CELF2: variants seen among roughly 807,000 people sequenced by gnomAD.
CELF2 encodes the protein CUG triplet repeat RNA-binding protein 2.
In CELF2, 8 loss-of-function variants were observed where a neutral mutation model predicts 62.6. The ratio of observed to expected loss-of-function variants is 0.13; its 90% confidence interval spans 0.07 to 0.23. CELF2 has a LOEUF of 0.23. Among genes scored for constraint, CELF2 ranks in the 10% least tolerant of loss-of-function variants. The probability of loss-of-function intolerance (pLI) is 1.00; values close to 1 mark genes in which losing one functional copy is unlikely to be tolerated. For synonymous variants in CELF2, 258 were observed against 250.0 expected (o/e 1.03, Z -0.30); for missense variants, 333 against 671.0 (o/e 0.50, Z 5.56).
chr10:11,249,093 T>G (rs1263538455), intron 3 of CELF2, 60 bp from the exon 4 acceptor site: 1 of 1,348,964 alleles, frequency 7.4e-7, no homozygotes, highest in South Asian at 1.2e-5. Context: ...GCTGCAGATT[T>G]CTGAGATGAT....
the CELF2 span, among the ~76,000 whole-genome samples, chr10:10,532,052 T>G: frequency 6.6e-6 from 1 of 152,252 alleles, no homozygotes; most frequent in Non-Finnish European, 1.5e-5. Flanking sequence ...CACAGAATTT[T>G]AAGCCTCAAG....
chr10:10,869,558 T>A (rs983976713), intron 1 of CELF2, among the ~76,000 whole-genome samples: 1 of 115,492 alleles, frequency 8.7e-6, no homozygotes, highest in Non-Finnish European at 1.7e-5. Context: ...GAGTGAGACT[T>A]CATCTGGGGG....
rs1483701112 is a variant in CELF2, at chr10:11,333,525, T to A, written c.*4472T>A. 1 of 152,392 alleles carries A rather than the reference T, an allele frequency of 6.6e-6. No individual in the cohort carries two copies. Among genetic ancestry groups the A allele is most frequent in the East Asian group, 1.9e-4 (1 of 5,202 alleles). 9.4% of individuals were successfully genotyped at this position (152,392 alleles called of 1,614,324 possible). ...GAATCATTTTACTGTTTGTTTTTAT[T>A]ATCTTAAGTGCTAATTAAAAAAAAA... On this transcript the variant is annotated 3_prime_UTR_variant, in exon 13 of 13. Transcript: ENST00000633077.
At chr10:11,288,146 C>T (rs543938736) in intron 8 of CELF2, among the ~76,000 whole-genome samples, 4 of 152,236 alleles carry the variant, frequency 2.6e-5, no homozygotes, top group Admixed American at 6.5e-5. Context: ...GAGGGAGAAG[C>T]GCAGGCTCTG....
intron 1 of CELF2, among the ~76,000 whole-genome samples, chr10:11,129,114 A>T (rs184057588): frequency 1.5e-4 from 23 of 152,192 alleles, no homozygotes; most frequent in Non-Finnish European, 2.2e-4. Flanking sequence ...TCAAAGGCCT[A>T]TTCTGCATCT....
Position 11,211,806 on chromosome 10 carries a change from G to C in CELF2, c.272-5619G>C, listed in dbSNP as rs1035359326. On this transcript the variant is annotated intron_variant, in intron 2 of 12. Coordinates refer to ENST00000633077, the MANE Select transcript of CELF2 (RefSeq NM_001326342.2). This position sits in a 1 kb window ranked among gnomAD's most constrained non-coding sequence, Gnocchi z 4.8. ...TGTATGTGTGTGAGAGAGAGAGAGA[G>C]AGAGAGAGTGTGTGTGTGTGTGTGT... Among the ~76,000 whole-genome samples, 5 of 119,182 alleles carry C rather than the reference G, an allele frequency of 4.2e-5. No individual in the cohort carries two copies. Among genetic ancestry groups the C allele is most frequent in the South Asian group, 2.6e-4 (1 of 3,802 alleles). 78.2% of individuals were successfully genotyped at this position (119,182 alleles called of 152,430 possible).
intron 1 of CELF2, among the ~76,000 whole-genome samples, chr10:10,883,341 T>C (rs2061552504): frequency 6.6e-6 from 1 of 152,226 alleles, no homozygotes. Context: ...GTTTAAGCAA[T>C]AAAATTTGAG....
At chr10:10,869,124 T>G (rs932578309) in intron 1 of CELF2, among the ~76,000 whole-genome samples, 1 of 152,168 alleles carries the variant, frequency 6.6e-6, no homozygotes, top group African/African-American at 2.4e-5. Context: ...TGTAATAAAC[T>G]GGACTCTTAA....
intron 2 of CELF2, among the ~76,000 whole-genome samples, chr10:10,926,556 G>T (rs916498533): frequency 5.9e-5 from 9 of 152,180 alleles, no homozygotes; most frequent in African/African-American, 2.2e-4. Flanking sequence ...CTGGTACACC[G>T]TCTGCCATCT....
At chr10:10,661,086 T>G in the CELF2 span, among the ~76,000 whole-genome samples, 5 of 152,246 alleles carry the variant, frequency 3.3e-5, no homozygotes, top group South Asian at 1.0e-3. Flanking sequence ...AGATCTTAAA[T>G]GTGTTCTTCA....
At chr10:11,325,137 T>C (rs571884044) in intron 11 of CELF2, among the ~76,000 whole-genome samples, 3 of 152,322 alleles carry the variant, frequency 2.0e-5, no homozygotes, top group African/African-American at 4.8e-5. Context: ...TGGGAAAGGA[T>C]AGGTGGACGG....
chr10:10,702,864 A>G, the CELF2 span, among the ~76,000 whole-genome samples: 1 of 152,250 alleles, frequency 6.6e-6, no homozygotes, highest in African/African-American at 2.4e-5. Flanking sequence ...GATTACAGGC[A>G]TAAGCCATCG....
intron 2 of CELF2, chr10:10,925,240 C>T (rs1347457315): frequency 1.3e-5 from 2 of 152,126 alleles, no homozygotes; most frequent in Non-Finnish European, 2.9e-5. Context: ...CAACCTCTTA[C>T]TGAGTCATCT....
the CELF2 span, among the ~76,000 whole-genome samples, chr10:10,473,133 CATTGCT>C: frequency 8.6e-5 from 13 of 151,950 alleles, no homozygotes; most frequent in Non-Finnish European, 1.6e-4. Flanking sequence ...AAAATAAGGT[CATTGCT>C]GATGCAGTTA....
chr10:11,275,598 GAC>G (rs2085751888), intron 8 of CELF2, among the ~76,000 whole-genome samples: 1 of 152,156 alleles, frequency 6.6e-6, no homozygotes, highest in African/African-American at 2.4e-5. Context: ...CCTTGATAAC[GAC>G]AGACAATTAA....
the CELF2 span, among the ~76,000 whole-genome samples, chr10:10,605,105 G>A: frequency 6.6e-6 from 1 of 152,192 alleles, no homozygotes; most frequent in Non-Finnish European, 1.5e-5. Context: ...AAAAGAATGA[G>A]ATCATGTCCT....
chr10:11,128,459 A>C (rs1306018476), intron 1 of CELF2, among the ~76,000 whole-genome samples: 1 of 152,308 alleles, frequency 6.6e-6, no homozygotes, highest in East Asian at 1.9e-4. Context: ...TCTATAAATT[A>C]CCTTGGGCAG....
chr10:10,846,371 A>G (rs2059013671), intron 1 of CELF2, among the ~76,000 whole-genome samples: 1 of 152,166 alleles, frequency 6.6e-6, no homozygotes, highest in Non-Finnish European at 1.5e-5. Flanking sequence ...CCCTCTATCA[A>G]CAGAGCAGCA....
chr10:10,952,623 T>C (rs1257840508), intron 2 of CELF2, among the ~76,000 whole-genome samples: 1 of 151,546 alleles, frequency 6.6e-6, no homozygotes, highest in Non-Finnish European at 1.5e-5. Context: ...TGCATGTCTG[T>C]GTCTATCTAC....
Sources: allele counts gnomAD v4.1 joint callset (sites outside exome capture counted in the v4.1 genomes callset), GRCh38; gene constraint gnomAD v4.1.1; non-coding constraint Gnocchi (gnomAD v3.1); transcripts MANE v1.5; gene names NCBI Gene and HGNC (gene_info 2026-07-23, HGNC 2026-07-21).